TMEM270: variants seen among roughly 807,000 people sequenced by gnomAD.
The protein encoded by TMEM270 is transmembrane protein 270.
A neutral mutation model predicts 29.9 loss-of-function variants in TMEM270; 30 were observed. The observed-to-expected ratio is 1.00, with a 90% CI of 0.75 to 1.36. The LOEUF (loss-of-function observed/expected upper bound fraction) is 1.36. Among genes scored for constraint, TMEM270 ranks in the 40% most tolerant of loss-of-function variants. TMEM270 has a pLI of 0.00. For synonymous variants in TMEM270, 135 were observed against 139.8 expected, an observed-to-expected ratio of 0.97 and a Z score of 0.24; for missense variants, 313 against 307.1, an observed-to-expected ratio of 1.02 and a Z score of -0.14.
intron 1 of TMEM270, 98 bp downstream of exon 1, chr7:73,861,364 C>T (rs1015422522): frequency 1.7e-6 from 2 of 1,196,008 alleles, no homozygotes; most frequent in African/African-American, 3.0e-5. Context: ...CCTGTCCCAT[C>T]CAGTGGAACG....
In TMEM270 at chr7:73,861,229, T is replaced by A. The variant is rs1554639188; in HGVS notation, c.35T>A (p.Leu12Ter). 1 of 1,608,164 alleles carries A rather than the reference T, an allele frequency of 6.2e-7. No individual in the cohort carries two copies. Among genetic ancestry groups the A allele is most frequent in the East Asian group, 2.3e-5 (1 of 44,362 alleles). Residue 12 changes from leucine to a stop codon, truncating the protein, a stop_gained, in exon 1 of 3, where the codon TTG (leucine) becomes TAG (stop). Transcript: ENST00000320531. LOFTEE classifies it high-confidence loss of function. ...EALPPVRSSL[L>*]GILLQVTRLS... ...CTTCCTCCAGTCAGATCCAGCCTTT[T>A]GGGGATCCTGTTGCAGGTTACGAGG...
Position 73,861,868 on chromosome 7 carries a change from G to T in TMEM270, c.72+602G>T, listed in dbSNP as rs187355143. On this transcript the variant is annotated intron_variant, in intron 1 of 2. Coordinates refer to ENST00000320531, the MANE Select transcript of TMEM270 (RefSeq NM_182504.4). ...GGCTGGAGTGCAGTGGTGCGATCTC[G>T]GCTCACTGCAACCTCTGCCTCCTGG... is the stretch of plus-strand genomic sequence containing the variant. Among the ~76,000 whole-genome samples, 7 of 152,062 alleles carry T rather than the reference G, an allele frequency of 4.6e-5. No homozygotes were observed. In the East Asian group the frequency reaches 1.3e-3, roughly 29 times the overall value.
rs1788869063 is a variant in TMEM270, at chr7:73,865,009, A to G, written c.89A>G (p.Asp30Gly). ...RLSVLLVQNRDHLYNFLLLKI... is the reference protein window; with the variant it reads ...RLSVLLVQNRGHLYNFLLLKI... ...CTTCTGCAGTTGGTTCAGAACCGAG[A>G]TCACCTCTATAATTTCCTGCTCCTC... Residue 30 changes from aspartate (D) to glycine (G), a missense_variant, in exon 2 of 3, where the codon GAT becomes GGT. By Grantham distance (94) the Asp-to-Gly change is moderately conservative. Transcript: ENST00000320531. The G allele has an allele frequency of 2.0e-6, 3 of 1,503,850 alleles. No homozygotes were observed. The highest frequency in any genetic ancestry group is 2.7e-6 in the Non-Finnish European group (3 of 1,125,044). The allele number at this position is 1,503,850 out of a possible 1,614,324, so 93.2% of individuals were successfully genotyped here.
chr7:73,862,148 C>T (rs574290554), intron 1 of TMEM270, among the ~76,000 whole-genome samples: 1 of 150,710 alleles, frequency 6.6e-6, no homozygotes, highest in South Asian at 2.1e-4. Flanking sequence ...TGCCCTGTCG[C>T]GCAGGCTGCA....
chr7:73,862,086 T>C (rs1250593453), intron 1 of TMEM270, among the ~76,000 whole-genome samples: 13 of 150,612 alleles, frequency 8.6e-5, no homozygotes, highest in African/African-American at 3.2e-4. Flanking sequence ...CATAAGCCAC[T>C]GCGCCTGGCT....
rs782313740 is a variant in TMEM270 at position 73,865,746 on chromosome 7, A to C, written c.671A>C (p.Gln224Pro). The C allele has an allele frequency of 1.2e-6, 2 of 1,613,962 alleles. No individual in the cohort carries two copies. The highest frequency in any genetic ancestry group is 2.7e-5 in the African/African-American group (2 of 74,904). Residue 224 changes from glutamine (Q) to proline (P), a missense_variant, in exon 3 of 3, where the codon CAG becomes CCG. Physicochemically the swap from Gln to Pro is moderately conservative, Grantham distance 76. Transcript: ENST00000320531. Reference sequence around the variant, plus strand: ...CAGGCTGCCTTTGAGCACACGACCCAGCTGGCCGAGGCCCAGGAGGTTGAA... The same window carrying C: ...CAGGCTGCCTTTGAGCACACGACCCCGCTGGCCGAGGCCCAGGAGGTTGAA... The part of the protein sequence containing the change: ...LLQAAFEHTT[Q>P]LAEAQEVEPQ...
Position 73,865,222 on chromosome 7 carries a change from G to C in TMEM270, c.302G>C (p.Gly101Ala), listed in dbSNP as rs1554639782. The change falls in exon 2 of 3, where the codon GGC (glycine) becomes GCC (alanine). Residue 101 changes from glycine to alanine, a missense_variant. By Grantham distance (60) the Gly-to-Ala change is moderately conservative. Coordinates refer to ENST00000320531, the MANE Select transcript of TMEM270 (RefSeq NM_182504.4). Reference protein sequence around the residue: ...VLQGPRLMWAGMWGSTKGLGL... With the variant: ...VLQGPRLMWAAMWGSTKGLGL... The stretch of plus-strand genomic sequence containing the variant: ...CAGGGACCCAGGCTGATGTGGGCTG[G>C]CATGTGGGGCAGCACCAAGGGCCTG... 6.2e-7 allele frequency: 1 copy of C among 1,613,698 alleles called. No individual in the cohort carries two copies. The highest frequency in any genetic ancestry group is 8.5e-7 in the Non-Finnish European group (1 of 1,180,026).
In TMEM270 at chr7:73,864,246, G is replaced by C. The variant is rs1484219879; in HGVS notation, c.73-747G>C. ...AAGACCAGCCCAGGCATAATAAGAA[G>C]ACTCCATTTCTTAAAAAAAAAAAAA... On this transcript the variant is annotated intron_variant, in intron 1 of 2. Coordinates refer to ENST00000320531, the MANE Select transcript of TMEM270 (RefSeq NM_182504.4). Among the ~76,000 whole-genome samples the C allele has an allele frequency of 2.1e-5, 3 of 144,750 alleles. No homozygotes were observed. The East Asian group carries it at 6.0e-4, about 29-fold the overall frequency. The allele number at this position is 144,750 out of a possible 152,430, so 95.0% of individuals were successfully genotyped here. A position where few individuals can be genotyped will look rare whatever the true frequency, so the allele number is the denominator to read the frequency against.
intron 1 of TMEM270, chr7:73,861,695 C>T (rs1171070504): frequency 3.4e-6 from 1 of 290,562 alleles, no homozygotes; most frequent in Non-Finnish European, 6.9e-6. Flanking sequence ...GATCCTCCTA[C>T]CTCAGCTTCC....
In TMEM270 at chr7:73,865,394, C is replaced by T. The variant is rs1554639836; in HGVS notation, c.474C>T (p.Cys158=). 3.7e-6 allele frequency: 6 copies of T among 1,612,552 alleles called. No homozygotes were observed. The highest frequency in any genetic ancestry group is 5.1e-6 in the Non-Finnish European group (6 of 1,179,228). ...VTWRVCQKSH[C]FRLGRQLSKA... ...GGAGGGTGTGTCAGAAGTCCCACTG[C>T]TTCCGACTGGGCAGGCAGCTCAGTA... Residue 158 remains cysteine (C), a synonymous_variant, in exon 2 of 3, where the codon TGC becomes TGT. Transcript: ENST00000320531.
At position 73,861,240 on chromosome 7, in the gene TMEM270, T is replaced by A. The variant is rs1380277332; in HGVS notation, c.46T>A (p.Leu16Met). ...CAGATCCAGCCTTTTGGGGATCCTG[T>A]TGCAGGTTACGAGGCTCTCAGTGCT... Reference protein sequence around the residue: ...PVRSSLLGILLQVTRLSVLLV... With the variant: ...PVRSSLLGILMQVTRLSVLLV... The change falls in exon 1 of 3, where the codon TTG (leucine) becomes ATG (methionine). Residue 16 changes from leucine (L) to methionine (M), a missense_variant. By Grantham distance (15) the Leu-to-Met change is conservative. Transcript: ENST00000320531. 1 of 1,613,110 alleles carries A rather than the reference T, an allele frequency of 6.2e-7. No homozygotes were observed. Among genetic ancestry groups the A allele is most frequent in the African/African-American group, 1.3e-5 (1 of 74,904 alleles).
chr7:73,861,503 G>T, intron 1 of TMEM270: 1 of 638,784 alleles, frequency 1.6e-6, no homozygotes, highest in Non-Finnish European at 2.9e-6. Context: ...AGCCTGGAGC[G>T]CAGTGGTGCC....
Position 73,865,848 on chromosome 7 carries a change from C to G in TMEM270, c.773C>G (p.Pro258Arg). ...SSDSESGTVL[P>R]EQETPRE ...GACTCAGAGTCTGGAACAGTTTTGCCAGAGCAAGAAACTCCCAGAGAATAA... is the reference window on the plus strand; with the variant it reads ...GACTCAGAGTCTGGAACAGTTTTGCGAGAGCAAGAAACTCCCAGAGAATAA... Residue 258 changes from proline to arginine, a missense_variant, in exon 3 of 3, where the codon CCA becomes CGA. Transcript: ENST00000320531. 6.2e-7 allele frequency: 1 copy of G among 1,612,594 alleles called. No homozygotes were observed. Among genetic ancestry groups the G allele is most frequent in the Non-Finnish European group, 8.5e-7 (1 of 1,179,878 alleles).
At chr7:73,863,550 C>A (rs1000926661) in intron 1 of TMEM270, among the ~76,000 whole-genome samples, 2 of 152,024 alleles carry the variant, frequency 1.3e-5, no homozygotes, top group Non-Finnish European at 2.9e-5. Flanking sequence ...CCATCATGCC[C>A]AGCTAATTTT....
chr7:73,861,277 G>A lies in TMEM270; in HGVS notation c.72+11G>A. On this transcript the variant is annotated intron_variant, in intron 1 of 2. Coordinates refer to ENST00000320531, the MANE Select transcript of TMEM270 (RefSeq NM_182504.4). Reference sequence around the variant, plus strand: ...AGGCTCTCAGTGCTGGTGAGTGGGGGCTGGGGGTAAGTGGGGTGGGGACCA... The same window carrying A: ...AGGCTCTCAGTGCTGGTGAGTGGGGACTGGGGGTAAGTGGGGTGGGGACCA... The A allele has an allele frequency of 1.3e-6, 2 of 1,595,232 alleles. No homozygotes were observed. Among genetic ancestry groups the A allele is most frequent in the Non-Finnish European group, 1.7e-6 (2 of 1,164,348 alleles).
Position 73,865,423 on chromosome 7 carries a change from T to C in TMEM270, c.501+2T>C. ...CGACTGGGCAGGCAGCTCAGTAAGG[T>C]GGGTGGTCTCGGGGTGAGGCTGGGG... On this transcript the variant is annotated splice_donor_variant, in intron 2 of 2. Coordinates refer to ENST00000320531, the MANE Select transcript of TMEM270 (RefSeq NM_182504.4). LOFTEE classifies it high-confidence loss of function. 2 of 1,606,484 alleles carry C rather than the reference T, an allele frequency of 1.2e-6. No individual in the cohort carries two copies. The highest frequency in any genetic ancestry group is 1.1e-5 in the South Asian group (1 of 90,002).
chr7:73,864,470 T>A (rs1192500407), intron 1 of TMEM270, among the ~76,000 whole-genome samples: 1 of 151,960 alleles, frequency 6.6e-6, no homozygotes, highest in Non-Finnish European at 1.5e-5. Flanking sequence ...AAATACAATA[T>A]GAAACACCTT....
intron 1 of TMEM270, among the ~76,000 whole-genome samples, chr7:73,861,956 C>A (rs1788796465): frequency 1.3e-5 from 2 of 151,460 alleles, no homozygotes; most frequent in South Asian, 4.2e-4. Flanking sequence ...GTGCCATCAT[C>A]CCTGGCTAAT....
Position 73,865,178 on chromosome 7 carries a change from C to G in TMEM270, c.258C>G (p.Val86=), listed in dbSNP as rs782164369. Residue 86 remains valine, a synonymous_variant, in exon 2 of 3, where the codon GTC becomes GTG. Transcript: ENST00000320531. The stretch of plus-strand genomic sequence containing the variant: ...GGGCTGGGCTGGCTCTGATACAGGT[C>G]CCCGTATGGCTGGTGCTACAGGGAC... ...ALWAGLALIQ[V]PVWLVLQGPR... is the part of the protein sequence containing the mutation. The G allele has an allele frequency of 6.2e-7, 1 of 1,612,810 alleles. No homozygotes were observed. Among genetic ancestry groups the G allele is most frequent in the African/African-American group, 1.3e-5 (1 of 74,920 alleles).
Sources: allele counts gnomAD v4.1 joint callset (sites outside exome capture counted in the v4.1 genomes callset), GRCh38; gene constraint gnomAD v4.1.1; transcripts MANE v1.5; gene names NCBI Gene and HGNC (gene_info 2026-07-23, HGNC 2026-07-21).